Variants in AP3B1 observed in about 807,000 individuals in gnomAD.
AP3B1 encodes AP-3 complex subunit beta-1.
Under a neutral mutation model 132.5 loss-of-function variants are expected in AP3B1, and 61 were observed. That is an observed-to-expected ratio of 0.46 (90% CI 0.37 to 0.57). The LOEUF (loss-of-function observed/expected upper bound fraction) is 0.57. Ranked by LOEUF, AP3B1 falls within the 20% of genes least tolerant of loss-of-function variation. The pLI is 0.00. For synonymous variants in AP3B1, 388 were observed against 438.3 expected (o/e 0.89, Z 1.43); for missense variants, 1,120 against 1,289.4 (o/e 0.87, Z 2.01).
At position 78,128,093 on chromosome 5, in the gene AP3B1, T is replaced by G; in HGVS notation, c.1905A>C (p.Glu635Asp). 1 of 1,613,308 alleles carries G rather than the reference T, an allele frequency of 6.2e-7. No individual in the cohort carries two copies. The highest frequency in any genetic ancestry group is 1.7e-4 in the Middle Eastern group (1 of 6,058). ...TLNIKATGYLELSNWPEVAPD... is the reference protein window; with the variant it reads ...TLNIKATGYLDLSNWPEVAPD... ...GCGCCACCTCTGGCCAATTAGATAA[T>G]TCCAGGTACCCAGTAGCTTTAATGT... Residue 635 changes from glutamate (E) to aspartate (D), a missense_variant, in exon 17 of 27, where the codon GAA becomes GAC. Coordinates refer to ENST00000255194, the MANE Select transcript of AP3B1 (RefSeq NM_003664.5).
At chr5:78,262,323 T>C (rs1561207404) in intron 2 of AP3B1, among the ~76,000 whole-genome samples, 2 of 152,234 alleles carry the variant, frequency 1.3e-5, no homozygotes, top group African/African-American at 2.4e-5. Flanking sequence ...AAGCTTTTTC[T>C]CTATGCTTTC....
At chr5:78,235,256 G>T (rs1561493165) in intron 3 of AP3B1, among the ~76,000 whole-genome samples, 1 of 152,140 alleles carries the variant, frequency 6.6e-6, no homozygotes. Flanking sequence ...GAGAAAGAAT[G>T]GGTCCAGTTC....
At chr5:78,278,285 T>G (rs77547374) in intron 1 of AP3B1, among the ~76,000 whole-genome samples, 2 of 152,182 alleles carry the variant, frequency 1.3e-5, no homozygotes, top group Non-Finnish European at 2.9e-5. Context: ...CAAAAACTTA[T>G]GTTGAAATAT....
intron 1 of AP3B1, among the ~76,000 whole-genome samples, chr5:78,284,777 C>T (rs1749200976): frequency 6.6e-6 from 1 of 152,154 alleles, no homozygotes; most frequent in Admixed American, 6.5e-5. Flanking sequence ...AAGGGGATAT[C>T]AGCAATTCTC....
chr5:78,223,428 G>T (rs977492790), intron 6 of AP3B1, among the ~76,000 whole-genome samples: 1 of 151,976 alleles, frequency 6.6e-6, no homozygotes, highest in African/African-American at 2.4e-5. Flanking sequence ...ACCACTGCAG[G>T]GGGGTGAGGG....
At chr5:78,062,829 G>A (rs146523543) in intron 22 of AP3B1, among the ~76,000 whole-genome samples, 1,666 of 152,232 alleles carry the variant, frequency 0.011, 18 homozygotes, top group Non-Finnish European at 0.019. Context: ...TGAACTGAGC[G>A]GAATTGGAGA....
chr5:78,020,480 A>G (rs1747043782), intron 25 of AP3B1, among the ~76,000 whole-genome samples: 1 of 152,178 alleles, frequency 6.6e-6, no homozygotes, highest in African/African-American at 2.4e-5. Flanking sequence ...TATCATTTAA[A>G]GACATATTAA....
intron 13 of AP3B1, among the ~76,000 whole-genome samples, chr5:78,158,571 A>G (rs956313027): frequency 8.5e-5 from 13 of 152,140 alleles, no homozygotes; most frequent in African/African-American, 3.1e-4. Context: ...TAGGTACCTT[A>G]TTATTATTAT....
At chr5:78,042,282 A>T (rs1284664885) in intron 22 of AP3B1, 2 of 151,196 alleles carry the variant, frequency 1.3e-5, no homozygotes, top group Non-Finnish European at 2.9e-5. Flanking sequence ...TCACTCTGTC[A>T]TCCAGGCTGG....
chr5:78,190,970 A>C (rs1264201815), intron 7 of AP3B1, among the ~76,000 whole-genome samples: 1 of 152,186 alleles, frequency 6.6e-6, no homozygotes, highest in Non-Finnish European at 1.5e-5. Flanking sequence ...AGGCTCTTAC[A>C]CAACTGCTTC....
intron 26 of AP3B1, among the ~76,000 whole-genome samples, chr5:78,005,858 T>C (rs1746368632): frequency 1.3e-5 from 2 of 152,154 alleles, no homozygotes; most frequent in Admixed American, 6.5e-5. Flanking sequence ...TCAACATACA[T>C]GCAAAAAATA....
intron 1 of AP3B1, among the ~76,000 whole-genome samples, chr5:78,283,654 T>C (rs1749153207): frequency 1.3e-5 from 2 of 152,128 alleles, no homozygotes; most frequent in African/African-American, 4.8e-5. Flanking sequence ...TCTATCTAAC[T>C]GCTCAACGAA....
At chr5:78,124,964 AC>A (rs1752398390) in intron 17 of AP3B1, among the ~76,000 whole-genome samples, 1 of 152,188 alleles carries the variant, frequency 6.6e-6, no homozygotes, top group Non-Finnish European at 1.5e-5. Context: ...CCAAAGACGA[AC>A]AATAAAAGTA....
At position 78,249,583 on chromosome 5, in the gene AP3B1, T is replaced by TC. The variant is rs70997976; in HGVS notation, c.205-8648_205-8647insG. 2.9e-3 allele frequency among the ~76,000 whole-genome samples: 423 copies of TC among 143,414 alleles called. 2 individuals carry two copies. The highest frequency in any genetic ancestry group is 4.8e-3 in the Non-Finnish European group (312 of 65,264). The allele number at this position is 143,414 out of a possible 152,430, so 94.1% of individuals were successfully genotyped here. On this transcript the variant is annotated intron_variant, in intron 2 of 26. Transcript: ENST00000255194. ...CAGAATGATTTTTTTCTTTTTCTTT[T>TC]TTTTTTTTTTTTTTTTTTGAGACAG... is the stretch of plus-strand genomic sequence containing the variant.
intron 25 of AP3B1, among the ~76,000 whole-genome samples, chr5:78,020,180 C>T (rs1012122588): frequency 6.6e-6 from 1 of 152,022 alleles, no homozygotes; most frequent in African/African-American, 2.4e-5. Context: ...GACAACACAG[C>T]ATTTCTTTAA....
intron 3 of AP3B1, among the ~76,000 whole-genome samples, chr5:78,238,286 T>A (rs987762267): frequency 1.2e-4 from 18 of 152,352 alleles, no homozygotes; most frequent in Middle Eastern, 3.4e-3. Context: ...ACACCCCAGA[T>A]GGGACCATCT....
chr5:78,258,960 G>T (rs375038589), intron 2 of AP3B1, among the ~76,000 whole-genome samples: 1 of 152,162 alleles, frequency 6.6e-6, no homozygotes, highest in Non-Finnish European at 1.5e-5. Flanking sequence ...ACATCTGGCC[G>T]GGCACGGTGG....
chr5:78,138,114 G>A lies in AP3B1; in HGVS notation c.1650+3029C>T, dbSNP rs1048593106. ...TATTTTAGTCTGTCTTATATCTAAT[G>A]GATTACACAAATTTTAAAAATTCTA... On this transcript the variant is annotated intron_variant, in intron 15 of 26. Transcript: ENST00000255194. Among the ~76,000 whole-genome samples, 5 of 152,234 alleles carry A rather than the reference G, an allele frequency of 3.3e-5. 1 individual carries two copies. Among genetic ancestry groups the A allele is most frequent in the Admixed American group, 2.6e-4 (4 of 15,296 alleles).
At chr5:78,156,485 A>G in intron 13 of AP3B1, 118 bp from the exon 14 acceptor site, 1 of 780,938 alleles carries the variant, frequency 1.3e-6, no homozygotes, top group South Asian at 1.6e-5. Flanking sequence ...GCCTTAAAAG[A>G]CTATGTGAAA....
Sources: gnomAD v4.1 joint callset for allele counts (sites outside exome capture counted in the v4.1 genomes callset) on GRCh38, gnomAD v4.1.1 for gene constraint, MANE v1.5 for transcripts, NCBI Gene and HGNC (gene_info 2026-07-23, HGNC 2026-07-21) for gene names.